The following PPFIA1 variants were observed in gnomAD, a reference collection of about 807,000 sequenced individuals.
PPFIA1 encodes the protein PPFI scaffold protein A1, also known as liprin-alpha-1.
In PPFIA1, 25 loss-of-function variants were observed where a neutral mutation model predicts 149.9. The observed-to-expected ratio is 0.17, with a 90% CI of 0.12 to 0.23. PPFIA1 has a LOEUF of 0.23. Among genes scored for constraint, PPFIA1 ranks in the 10% least tolerant of loss-of-function variants. The pLI, the probability that PPFIA1 is intolerant of heterozygous loss-of-function variation, is 1.00. For missense variants in PPFIA1, 1,362 were observed against 1,506.5 expected, an observed-to-expected ratio of 0.90 and a Z score of 1.59; for synonymous variants, 549 against 552.8, an observed-to-expected ratio of 0.99 and a Z score of 0.10.
chr11:70,337,631 C>G (rs17425511), intron 12 of PPFIA1, among the ~76,000 whole-genome samples: 19,098 of 152,116 alleles, frequency 0.13, 1,306 homozygotes, highest in Admixed American at 0.18. Flanking sequence ...GCATATGGTT[C>G]AGAATTCGGA....
intron 24 of PPFIA1, 76 bp from the exon 25 acceptor site, chr11:70,376,456 A>T: frequency 1.4e-6 from 2 of 1,449,312 alleles, no homozygotes; most frequent in Non-Finnish European, 1.9e-6. Context: ...TCTTGGTTTA[A>T]AAAACAATTA....
chr11:70,355,122 C>G (rs1233998298), intron 17 of PPFIA1, among the ~76,000 whole-genome samples: 1 of 152,104 alleles, frequency 6.6e-6, no homozygotes, highest in Non-Finnish European at 1.5e-5. Context: ...CCAGGCTGGT[C>G]TCGAACTCCT....
intron 2 of PPFIA1, chr11:70,319,892 T>G (rs2053836798): frequency 6.6e-6 from 1 of 152,238 alleles, no homozygotes; most frequent in South Asian, 2.1e-4. Flanking sequence ...TCAATTCAAG[T>G]GCTGTGTCCT....
intron 21 of PPFIA1, 83 bp downstream of exon 21, chr11:70,362,571 T>C: frequency 7.2e-7 from 1 of 1,380,856 alleles, no homozygotes; most frequent in Non-Finnish European, 9.8e-7. Context: ...ACATTGCTTC[T>C]CCAGTTCCTT....
intron 26 of PPFIA1, among the ~76,000 whole-genome samples, chr11:70,378,925 A>G (rs1049361475): frequency 1.3e-5 from 2 of 152,210 alleles, no homozygotes; most frequent in South Asian, 4.1e-4. Context: ...AAGGCAGTGC[A>G]CAGGTTGAAG....
intron 2 of PPFIA1, chr11:70,279,132 G>T (rs990511603): frequency 4.4e-5 from 24 of 547,558 alleles, no homozygotes; most frequent in Non-Finnish European, 7.5e-5. Flanking sequence ...CAGGATGGCT[G>T]TGCTATTCAC....
rs1340443013 is a variant in PPFIA1, at chr11:70,338,341, T to G, written c.1492-33T>G. 3.3e-6 allele frequency: 5 copies of G among 1,530,162 alleles called. No homozygotes were observed. In the Admixed American group the frequency reaches 6.7e-5, roughly 21 times the overall value. The allele number at this position is 1,530,162 out of a possible 1,614,324, so 94.8% of individuals were successfully genotyped here. A position where few individuals can be genotyped will look rare whatever the true frequency, so the allele number is the denominator to read the frequency against. ...AAGTGGTTTTAAAATCTAAAAGAGA[T>G]AGCAGTAATGTAAGTCTTTTGCTTT... On this transcript the variant is annotated intron_variant, in intron 12 of 27. Coordinates refer to ENST00000253925, the MANE Select transcript of PPFIA1 (RefSeq NM_003626.5).
chr11:70,336,964 C>T (rs1161009509), intron 11 of PPFIA1, among the ~76,000 whole-genome samples: 1 of 152,352 alleles, frequency 6.6e-6, no homozygotes, highest in East Asian at 1.9e-4. Context: ...TCCCACTCAC[C>T]TCCTTGATCA....
chr11:70,384,013 A>G lies in PPFIA1; in HGVS notation c.*1023A>G, dbSNP rs1340779539. The G allele has an allele frequency of 1.3e-5, 2 of 152,262 alleles. No individual in the cohort carries two copies. The highest frequency in any genetic ancestry group is 1.5e-5 in the Non-Finnish European group (1 of 68,048). The allele number at this position is 152,262 out of a possible 1,614,324, so 9.4% of individuals were successfully genotyped here. On this transcript the variant is annotated 3_prime_UTR_variant, in exon 28 of 28. Coordinates refer to ENST00000253925, the MANE Select transcript of PPFIA1 (RefSeq NM_003626.5). Reference sequence around the variant, plus strand: ...TTTTTCTTATGTAAATCATCTTTTTACATTTGTTTGTAAACATGTTTAAAG... The same window carrying G: ...TTTTTCTTATGTAAATCATCTTTTTGCATTTGTTTGTAAACATGTTTAAAG...
chr11:70,338,414 T>C lies in PPFIA1; in HGVS notation c.1532T>C (p.Leu511Pro). 1 of 1,613,610 alleles carries C rather than the reference T, an allele frequency of 6.2e-7. No homozygotes were observed. Residue 511 changes from leucine to proline, a missense_variant, in exon 13 of 28, where the codon CTA (leucine) becomes CCA (proline). Transcript: ENST00000253925. Reference sequence around the variant, plus strand: ...AACATTGAAGCACTGAGGGCTGAACTAGACCACATGAGACTAAGAGGTGCT... The same window carrying C: ...AACATTGAAGCACTGAGGGCTGAACCAGACCACATGAGACTAAGAGGTGCT... ...VLNIEALRAE[L>P]DHMRLRGASL... is the part of the protein sequence containing the mutation.
chr11:70,333,681 G>A, intron 10 of PPFIA1, 128 bp downstream of exon 10: 1 of 746,786 alleles, frequency 1.3e-6, no homozygotes, highest in Non-Finnish European at 2.3e-6. Context: ...CTGGTCGCGT[G>A]CATTTGTTTT....
chr11:70,374,026 T>C (rs528533683), intron 23 of PPFIA1: 1 of 152,342 alleles, frequency 6.6e-6, no homozygotes, highest in South Asian at 2.1e-4. Flanking sequence ...CATATATTTT[T>C]AGAGTGGCTA....
chr11:70,326,555 A>G, intron 6 of PPFIA1, 42 bp from the exon 7 acceptor site: 1 of 1,493,028 alleles, frequency 6.7e-7, no homozygotes, highest in Non-Finnish European at 9.2e-7. Flanking sequence ...TTTATAGCTC[A>G]CCAAACAAGG....
intron 26 of PPFIA1, among the ~76,000 whole-genome samples, chr11:70,380,325 T>C (rs1052704617): frequency 4.7e-5 from 7 of 149,788 alleles, no homozygotes; most frequent in African/African-American, 1.7e-4. Context: ...CCCAGCACTT[T>C]GGGAGGCCAA....
intron 10 of PPFIA1, among the ~76,000 whole-genome samples, chr11:70,334,898 A>G (rs540771366): frequency 8.5e-5 from 13 of 152,336 alleles, no homozygotes; most frequent in African/African-American, 2.9e-4. Context: ...GGTGCCACCT[A>G]CTGACACTTC....
chr11:70,327,710 T>G (rs892752563), intron 7 of PPFIA1: 17 of 152,306 alleles, frequency 1.1e-4, no homozygotes, highest in African/African-American at 3.6e-4. Flanking sequence ...GAGGCAGAGC[T>G]TTCAGTAAGC....
At position 70,343,803 on chromosome 11, in the gene PPFIA1, T is replaced by G. The variant is rs1451760406; in HGVS notation, c.1842T>G (p.Val614=). The change falls in exon 15 of 28, where the codon GTT becomes GTG. Residue 614 remains valine (V), a synonymous_variant. Coordinates refer to ENST00000253925, the MANE Select transcript of PPFIA1 (RefSeq NM_003626.5). The part of the protein sequence containing the change: ...EDDRDTLLSS[V]DLLSPSGQAD... ...ACAGGGACACTCTCCTCAGCTCAGT[T>G]GACCTGCTATCGCCCAGCGGGCAGG... The G allele has an allele frequency of 1.2e-6, 2 of 1,614,070 alleles. No homozygotes were observed. Among genetic ancestry groups the G allele is most frequent in the African/African-American group, 2.7e-5 (2 of 74,932 alleles).
chr11:70,348,156 A>G, intron 15 of PPFIA1, 33 bp from the exon 16 acceptor site: 1 of 1,599,946 alleles, frequency 6.3e-7, no homozygotes, highest in Non-Finnish European at 8.6e-7. Flanking sequence ...GTTTGCCGAA[A>G]CAGGAGGACT....
At position 70,340,703 on chromosome 11, in the gene PPFIA1, A is replaced by G. The variant is rs1319884452; in HGVS notation, c.1707+1397A>G. Among the ~76,000 whole-genome samples the G allele has an allele frequency of 3.3e-5, 5 of 152,058 alleles. 1 individual carries two copies. Among genetic ancestry groups the G allele is most frequent in the Admixed American group, 3.3e-4 (5 of 15,256 alleles). On this transcript the variant is annotated intron_variant, in intron 14 of 27. Transcript: ENST00000253925. ...CAGAGGACACAAACAGTCGACAGAT[A>G]GAGTCTGGTAGTGTGTGTGTGTTGA...
Sources: gnomAD v4.1 joint callset for allele counts (sites outside exome capture counted in the v4.1 genomes callset) on GRCh38, gnomAD v4.1.1 for gene constraint, MANE v1.5 for transcripts, NCBI Gene and HGNC (gene_info 2026-07-23, HGNC 2026-07-21) for gene names.